Variants in CMIP observed in about 807,000 individuals in gnomAD.
CMIP encodes c-Maf inducing protein.
In CMIP, 13 loss-of-function variants were observed where a neutral mutation model predicts 97.3. The ratio of observed to expected loss-of-function variants is 0.13; its 90% CI spans 0.09 to 0.21. The LOEUF (loss-of-function observed/expected upper bound fraction) is 0.21, where lower values mean the gene tolerates loss of function less well. Ranked by LOEUF, CMIP falls within the 10% of genes least tolerant of loss-of-function variation. CMIP has a pLI of 1.00. For synonymous variants in CMIP, 538 were observed against 436.3 expected (o/e 1.23, Z -2.91); for missense variants, 847 against 1,024.9 (o/e 0.83, Z 2.37).
chr16:81,615,560 A>G lies in CMIP; in HGVS notation c.427-5316A>G, dbSNP rs375246112. Among the ~76,000 whole-genome samples, 612 of 110,212 alleles carry G rather than the reference A, an allele frequency of 5.6e-3. 4 individuals are homozygous for G. Among genetic ancestry groups the G allele is most frequent in the African/African-American group, 0.021 (573 of 27,470 alleles). 72.3% of individuals were successfully genotyped at this position (110,212 alleles called of 152,430 possible). On this transcript the variant is annotated intron_variant, in intron 2 of 20. Transcript: ENST00000537098. Reference sequence around the variant, plus strand: ...GTGGTATGTGTGCATGTGTAACTGTATGGTGCGTGTGTGTATAGTGTGTGT... The same window carrying G: ...GTGGTATGTGTGCATGTGTAACTGTGTGGTGCGTGTGTGTATAGTGTGTGT...
At chr16:81,450,605 C>T (rs1170071882) in intron 1 of CMIP, among the ~76,000 whole-genome samples, 13 of 152,112 alleles carry the variant, frequency 8.5e-5, no homozygotes, top group Non-Finnish European at 1.5e-5. Flanking sequence ...ATTATTGTTA[C>T]CTAAAAATGG....
At chr16:81,675,063 G>A (rs749968940) in intron 9 of CMIP, among the ~76,000 whole-genome samples, 3 of 152,206 alleles carry the variant, frequency 2.0e-5, no homozygotes, top group African/African-American at 4.8e-5. Context: ...TGGAAGGAGC[G>A]TTGGGGAGGT....
At chr16:81,657,925 G>A in intron 5 of CMIP, 109 bp downstream of exon 5, 1 of 891,942 alleles carries the variant, frequency 1.1e-6, no homozygotes, top group South Asian at 1.7e-5. Context: ...ACCAGCATCT[G>A]GCCTTGCTCC....
chr16:81,594,598 C>G (rs2091521004), intron 1 of CMIP, among the ~76,000 whole-genome samples: 1 of 151,804 alleles, frequency 6.6e-6, no homozygotes, highest in African/African-American at 2.4e-5. Context: ...ATATATATAC[C>G]TATGATAAAG....
At chr16:81,562,856 C>T (rs182183026) in intron 1 of CMIP, among the ~76,000 whole-genome samples, 2 of 152,306 alleles carry the variant, frequency 1.3e-5, no homozygotes, top group East Asian at 1.9e-4. Context: ...ACACAGCAGC[C>T]AAGTAGGAGA....
chr16:81,487,556 G>A (rs1439374815), intron 1 of CMIP, among the ~76,000 whole-genome samples: 3 of 152,224 alleles, frequency 2.0e-5, no homozygotes, highest in Non-Finnish European at 4.4e-5. Flanking sequence ...CCTCTCCCAA[G>A]GCGAAGGAAG....
chr16:81,494,112 C>T (rs940873102), intron 1 of CMIP, among the ~76,000 whole-genome samples: 1 of 152,206 alleles, frequency 6.6e-6, no homozygotes, highest in Non-Finnish European at 1.5e-5. Context: ...GAAGAATGTT[C>T]CAGAAGCTTC....
chr16:81,503,995 G>A (rs2089658839), intron 1 of CMIP, among the ~76,000 whole-genome samples: 1 of 152,200 alleles, frequency 6.6e-6, no homozygotes, highest in South Asian at 2.1e-4. Flanking sequence ...GGAGAGGTGA[G>A]GCTTGGGAAG....
intron 2 of CMIP, among the ~76,000 whole-genome samples, chr16:81,612,092 CAAGCATGT>C (rs2091841202): frequency 1.3e-5 from 2 of 152,182 alleles, no homozygotes; most frequent in Admixed American, 1.3e-4. Flanking sequence ...GTGGGGAGGC[CAAGCATGT>C]AAGTACATAG....
At chr16:81,708,820 C>G (rs1330036381) in intron 20 of CMIP, among the ~76,000 whole-genome samples, 1 of 152,226 alleles carries the variant, frequency 6.6e-6, no homozygotes, top group Non-Finnish European at 1.5e-5. Context: ...TAACCTCTGC[C>G]TGGGCAGTGG....
intron 1 of CMIP, among the ~76,000 whole-genome samples, chr16:81,585,166 AC>A (rs1320648303): frequency 6.6e-6 from 1 of 152,036 alleles, no homozygotes; most frequent in Non-Finnish European, 1.5e-5. Context: ...ATATGGCAAA[AC>A]CCTGTCTCTA....
chr16:81,539,908 G>GTCTC lies in CMIP; in HGVS notation c.301-67655_301-67652dup, dbSNP rs1480557233. Reference sequence around the variant, plus strand: ...ACCAACTGTCCATTGGTTGCTTTATGTCTCTCTACGTGCTCCGTGTGTACA... The same window carrying GTCTC: ...ACCAACTGTCCATTGGTTGCTTTATGTCTCTCTCTCTACGTGCTCCGTGTGTACA... On this transcript the variant is annotated intron_variant, in intron 1 of 20. Coordinates refer to ENST00000537098, the MANE Select transcript of CMIP (RefSeq NM_198390.3). 5.3e-5 allele frequency among the ~76,000 whole-genome samples: 8 copies of GTCTC among 152,318 alleles called. No homozygotes were observed. The South Asian group carries it at 1.2e-3, about 24-fold the overall frequency.
At chr16:81,555,638 C>T (rs928744077) in intron 1 of CMIP, among the ~76,000 whole-genome samples, 2 of 152,182 alleles carry the variant, frequency 1.3e-5, no homozygotes, top group African/African-American at 4.8e-5. Context: ...GGCGGCCTGG[C>T]AGTGATGTGA....
intron 2 of CMIP, among the ~76,000 whole-genome samples, chr16:81,618,092 C>G (rs2091944872): frequency 6.6e-6 from 1 of 152,234 alleles, no homozygotes; most frequent in Non-Finnish European, 1.5e-5. Context: ...GTACCTCCTG[C>G]TTTTATTTCC....
chr16:81,465,648 C>A (rs1054013700), intron 1 of CMIP, among the ~76,000 whole-genome samples: 1 of 152,252 alleles, frequency 6.6e-6, no homozygotes, highest in South Asian at 2.1e-4. Context: ...AGCGAGCTGA[C>A]CTTGGGCCTG....
intron 1 of CMIP, among the ~76,000 whole-genome samples, chr16:81,577,686 T>C (rs1472827293): frequency 6.7e-6 from 1 of 149,858 alleles, no homozygotes; most frequent in Non-Finnish European, 1.5e-5. Context: ...ACCACTACAT[T>C]ATTATCACTA....
At chr16:81,697,509 C>G (rs541274326) in intron 14 of CMIP, 2 of 152,394 alleles carry the variant, frequency 1.3e-5, no homozygotes, top group Admixed American at 6.5e-5. Context: ...GGCTTCCAGT[C>G]GCAGCTCTGC....
chr16:81,670,966 T>A (rs1474300647), intron 8 of CMIP, among the ~76,000 whole-genome samples: 1 of 152,106 alleles, frequency 6.6e-6, no homozygotes, highest in Non-Finnish European at 1.5e-5. Flanking sequence ...GTAGCTGGGA[T>A]TACAGGCACA....
At chr16:81,492,001 A>T (rs1378612364) in intron 1 of CMIP, among the ~76,000 whole-genome samples, 1 of 152,212 alleles carries the variant, frequency 6.6e-6, no homozygotes, top group East Asian at 1.9e-4. Context: ...CCCTTTGGTT[A>T]GATACTAAGG....
Sources: allele counts gnomAD v4.1 joint callset (sites outside exome capture counted in the v4.1 genomes callset), GRCh38; gene constraint gnomAD v4.1.1; transcripts MANE v1.5; gene names NCBI Gene and HGNC (gene_info 2026-07-23, HGNC 2026-07-21).